Variants in PPM1D observed in about 807,000 individuals in gnomAD.
The protein encoded by PPM1D is protein phosphatase 1D.
In PPM1D, 52 loss-of-function variants were observed where a neutral mutation model predicts 58.3. The ratio of observed to expected loss-of-function variants is 0.89; its 90% CI spans 0.71 to 1.12. The LOEUF (loss-of-function observed/expected upper bound fraction) is 1.12. PPM1D is among the 50% of genes most tolerant of loss of function. The probability of loss-of-function intolerance (pLI) is 0.00; values close to 1 mark genes in which losing one functional copy is unlikely to be tolerated. For missense variants in PPM1D, 564 were observed against 777.2 expected, an observed-to-expected ratio of 0.73 and a Z score of 3.26; for synonymous variants, 278 against 285.1, an observed-to-expected ratio of 0.98 and a Z score of 0.25.
At chr17:60,658,354 A>T (rs1271830982) in intron 5 of PPM1D, among the ~76,000 whole-genome samples, 1 of 152,188 alleles carries the variant, frequency 6.6e-6, no homozygotes, top group Non-Finnish European at 1.5e-5. Flanking sequence ...AAATACGTTT[A>T]AAAAATTACT....
At chr17:60,629,670 T>TA (rs745608766) in intron 2 of PPM1D, among the ~76,000 whole-genome samples, 4 of 152,216 alleles carry the variant, frequency 2.6e-5, no homozygotes, top group African/African-American at 4.8e-5. Context: ...TTATAATTTT[T>TA]AAAACGGAGA....
At chr17:60,616,951 T>G (rs1392750835) in intron 1 of PPM1D, among the ~76,000 whole-genome samples, 4 of 152,162 alleles carry the variant, frequency 2.6e-5, no homozygotes, top group Admixed American at 6.5e-5. Context: ...TTGTTTTCTT[T>G]CTTTTACTCT....
In PPM1D at chr17:60,654,983, A is replaced by G. The variant is rs573432654; in HGVS notation, c.1018-1616A>G. ...GAAACCTAGCAGATTTTAAATTCATATATGACACTGGAAGTTTTATTCCAA... is the reference window on the plus strand; with the variant it reads ...GAAACCTAGCAGATTTTAAATTCATGTATGACACTGGAAGTTTTATTCCAA... On this transcript the variant is annotated intron_variant, in intron 4 of 5. Coordinates refer to ENST00000305921, the MANE Select transcript of PPM1D (RefSeq NM_003620.4). 5.3e-5 allele frequency among the ~76,000 whole-genome samples: 8 copies of G among 152,310 alleles called. No individual in the cohort carries two copies. The South Asian group carries it at 1.7e-3, about 32-fold the overall frequency.
chr17:60,603,547 G>T (rs1198861961), intron 1 of PPM1D, among the ~76,000 whole-genome samples: 2 of 152,202 alleles, frequency 1.3e-5, no homozygotes, highest in Non-Finnish European at 2.9e-5. Flanking sequence ...CGAATCACCT[G>T]AGGTCAGGAG....
At position 60,663,916 on chromosome 17, in the gene PPM1D, T is replaced by C. The variant is rs2031576949; in HGVS notation, c.*364T>C. The stretch of plus-strand genomic sequence containing the variant: ...AAACATTTAAACTTTTTAAAATACT[T>C]ATTAAAAAATTTGTATAAGCCACTT... On this transcript the variant is annotated 3_prime_UTR_variant, in exon 6 of 6. Transcript: ENST00000305921. The C allele has an allele frequency of 6.0e-6, 1 of 165,394 alleles. No homozygotes were observed. The highest frequency in any genetic ancestry group is 1.3e-5 in the Non-Finnish European group (1 of 75,244). 10.2% of individuals were successfully genotyped at this position (165,394 alleles called of 1,614,324 possible).
At chr17:60,635,687 A>T (rs1370746790) in intron 3 of PPM1D, among the ~76,000 whole-genome samples, 1 of 152,128 alleles carries the variant, frequency 6.6e-6, no homozygotes, top group East Asian at 1.9e-4. Context: ...CTGAGGACCC[A>T]CCCTGCTGCC....
chr17:60,604,060 A>G (rs138320368), intron 1 of PPM1D, among the ~76,000 whole-genome samples: 106 of 152,348 alleles, frequency 7.0e-4, no homozygotes, highest in African/African-American at 2.4e-3. Context: ...TCTATTTTGT[A>G]CTTTGAACGA....
At chr17:60,610,911 T>G (rs2030440396) in intron 1 of PPM1D, among the ~76,000 whole-genome samples, 1 of 152,236 alleles carries the variant, frequency 6.6e-6, no homozygotes, top group Non-Finnish European at 1.5e-5. Context: ...AGTATCATTC[T>G]TTCACCTTCT....
chr17:60,620,658 C>T (rs540234814), intron 1 of PPM1D, among the ~76,000 whole-genome samples: 5 of 151,594 alleles, frequency 3.3e-5, no homozygotes, highest in East Asian at 2.0e-4. Context: ...TACAGGTGTG[C>T]GCTACCATGC....
intron 1 of PPM1D, among the ~76,000 whole-genome samples, chr17:60,621,381 T>TTTTGTTTG (rs537109290): frequency 6.9e-6 from 1 of 145,848 alleles, no homozygotes; most frequent in Non-Finnish European, 1.5e-5. Context: ...TACCTCAGAG[T>TTTTGTTTG]TTTGTTTGTT....
rs907987915 is a variant in PPM1D, at chr17:60,628,431, C to T, written c.701+4682C>T. Among the ~76,000 whole-genome samples the T allele has an allele frequency of 3.3e-5, 5 of 152,092 alleles. No individual in the cohort carries two copies. The East Asian group carries it at 5.8e-4, about 18-fold the overall frequency. On this transcript the variant is annotated intron_variant, in intron 2 of 5. Transcript: ENST00000305921. ...TACATTTTATGGGTTTTGACAAATA[C>T]GTCATGACACGTATCCATCATTATA...
intron 5 of PPM1D, among the ~76,000 whole-genome samples, chr17:60,658,648 C>CAAA (rs542643373): frequency 3.0e-5 from 2 of 67,438 alleles, no homozygotes; most frequent in Middle Eastern, 0.013. Flanking sequence ...AACCCCATCT[C>CAAA]AAAAAAAAAA....
At chr17:60,661,930 C>T (rs2031533603) in intron 5 of PPM1D, among the ~76,000 whole-genome samples, 1 of 152,184 alleles carries the variant, frequency 6.6e-6, no homozygotes, top group East Asian at 1.9e-4. Context: ...TGAGATGCTA[C>T]CATCCCCTCC....
chr17:60,651,669 T>G (rs1490246363), intron 4 of PPM1D, among the ~76,000 whole-genome samples: 1 of 152,130 alleles, frequency 6.6e-6, no homozygotes, highest in Non-Finnish European at 1.5e-5. Flanking sequence ...GTGCTGGGAT[T>G]ACAGGTGTGA....
At chr17:60,650,605 T>C (rs1567976125) in intron 4 of PPM1D, among the ~76,000 whole-genome samples, 1 of 151,768 alleles carries the variant, frequency 6.6e-6, no homozygotes, top group Non-Finnish European at 1.5e-5. Context: ...GTAGTAGAAT[T>C]GACAGCTCTT....
intron 3 of PPM1D, among the ~76,000 whole-genome samples, chr17:60,639,444 C>CT (rs773448030): frequency 7.8e-4 from 111 of 142,642 alleles, no homozygotes; most frequent in African/African-American, 1.1e-3. Context: ...TCTTCTTCTT[C>CT]TTTTTTTTTT....
chr17:60,632,249 C>A (rs1232452819), intron 2 of PPM1D, among the ~76,000 whole-genome samples: 2 of 151,866 alleles, frequency 1.3e-5, no homozygotes, highest in Admixed American at 1.3e-4. Flanking sequence ...TTCTTTTGCT[C>A]CTATGACACA....
At chr17:60,651,974 A>G (rs2031351234) in intron 4 of PPM1D, among the ~76,000 whole-genome samples, 1 of 152,216 alleles carries the variant, frequency 6.6e-6, no homozygotes, top group Non-Finnish European at 1.5e-5. Flanking sequence ...GAAAAGCACA[A>G]AAAAGTTTGA....
chr17:60,604,614 T>C (rs1163635440), intron 1 of PPM1D: 1 of 152,090 alleles, frequency 6.6e-6, no homozygotes, highest in Non-Finnish European at 1.5e-5. Flanking sequence ...AAAAATTAGC[T>C]TGGCATGGTA....
Sources: allele counts gnomAD v4.1 joint callset (sites outside exome capture counted in the v4.1 genomes callset), GRCh38; gene constraint gnomAD v4.1.1; transcripts MANE v1.5; gene names NCBI Gene and HGNC (gene_info 2026-07-23, HGNC 2026-07-21).